TRIB3: variants seen among roughly 807,000 people sequenced by gnomAD.
TRIB3 encodes the protein tribbles homolog 3.
A neutral mutation model predicts 16.6 loss-of-function variants in TRIB3; 20 were observed. That is an observed-to-expected ratio of 1.20 (90% confidence interval 0.85 to 1.75). TRIB3 has a LOEUF of 1.75. Among genes scored for constraint, TRIB3 ranks in the 40% most tolerant of loss-of-function variants. TRIB3 has a pLI of 0.00. For missense variants in TRIB3, 484 were observed against 488.9 expected, an observed-to-expected ratio of 0.99 and a Z score of 0.10; for synonymous variants, 208 against 217.0, an observed-to-expected ratio of 0.96 and a Z score of 0.36.
At position 388,158 on chromosome 20, in the gene TRIB3, CT is replaced by C. The variant is rs755979873; in HGVS notation, c.149del (p.Leu50ArgfsTer160). On this transcript the variant is annotated frameshift_variant, in exon 2 of 4. Coordinates refer to ENST00000217233, the MANE Select transcript of TRIB3 (RefSeq NM_021158.5). LOFTEE classifies it high-confidence loss of function. ...QPRLPPCLLP[L>X]SPPTAPDRAT... The stretch of plus-strand genomic sequence containing the variant: ...CAGACTGCCCCCCTGCCTGTTGCCC[CT>C]GAGCCCACCTACTGCTCCAGATCGT... 1 of 1,614,106 alleles carries C rather than the reference CT, an allele frequency of 6.2e-7. No individual in the cohort carries two copies. Among genetic ancestry groups the C allele is most frequent in the East Asian group, 2.2e-5 (1 of 44,880 alleles).
chr20:390,277 G>A (rs991326179), intron 2 of TRIB3, among the ~76,000 whole-genome samples: 6 of 151,728 alleles, frequency 4.0e-5, no homozygotes, highest in East Asian at 1.9e-4. Context: ...GCAGTGAGCC[G>A]AGATCACACC....
chr20:396,664 G>A lies in TRIB3; in HGVS notation c.1051G>A (p.Asp351Asn). 2 of 1,612,096 alleles carry A rather than the reference G, an allele frequency of 1.2e-6. No homozygotes were observed. The highest frequency in any genetic ancestry group is 8.5e-7 in the Non-Finnish European group (1 of 1,179,372). Residue 351 changes from aspartate (D) to asparagine (N), a missense_variant, in exon 4 of 4, where the codon GAC (aspartate) becomes AAC (asparagine). Coordinates refer to ENST00000217233, the MANE Select transcript of TRIB3 (RefSeq NM_021158.5). ...GGACGAAGCCAGGGAAGAGGAGGGA[G>A]ACAGAGAAGTGGTTCTGTATGGCTA... ...GLDEAREEEG[D>N]REVVLYG
chr20:386,624 G>A (rs1251994936), intron 1 of TRIB3, among the ~76,000 whole-genome samples: 1 of 151,776 alleles, frequency 6.6e-6, no homozygotes, highest in African/African-American at 2.4e-5. Context: ...CCAGGCTGAA[G>A]TGCAGTGGTG....
chr20:396,235 G>T lies in TRIB3; in HGVS notation c.622G>T (p.Val208Leu). 1 of 1,613,298 alleles carries T rather than the reference G, an allele frequency of 6.2e-7. No homozygotes were observed. Among genetic ancestry groups the T allele is most frequent in the Non-Finnish European group, 8.5e-7 (1 of 1,179,486 alleles). Reference protein sequence around the residue: ...LVLENLEDSCVLTGPDDSLWD... With the variant: ...LVLENLEDSCLLTGPDDSLWD... ...GCTGGAGAACCTGGAGGACTCCTGCGTGCTGACTGGGCCAGATGATTCCCT... is the reference window on the plus strand; with the variant it reads ...GCTGGAGAACCTGGAGGACTCCTGCTTGCTGACTGGGCCAGATGATTCCCT... Residue 208 changes from valine to leucine, a missense_variant, in exon 4 of 4, where the codon GTG (valine) becomes TTG (leucine). By Grantham distance (32) the Val-to-Leu change is conservative. Coordinates refer to ENST00000217233, the MANE Select transcript of TRIB3 (RefSeq NM_021158.5).
At chr20:391,009 A>G (rs1042105692) in intron 2 of TRIB3, among the ~76,000 whole-genome samples, 2 of 150,448 alleles carry the variant, frequency 1.3e-5, no homozygotes, top group East Asian at 3.9e-4. Context: ...CTCAAAAAAA[A>G]AAAAAAAAAA....
rs917309277 is a variant in TRIB3 at position 380,875 on chromosome 20, G to A, written c.-295G>A. ...CCCGGGCCCGAGGGCATCAGACGGC[G>A]GCTGATTAGCTCCGGTTTGCATCAC... On this transcript the variant is annotated 5_prime_UTR_variant, in exon 1 of 4. Transcript: ENST00000217233. 6.6e-6 allele frequency: 1 copy of A among 151,788 alleles called. No individual in the cohort carries two copies. Among genetic ancestry groups the A allele is most frequent in the South Asian group, 2.1e-4 (1 of 4,814 alleles). The allele number at this position is 151,788 out of a possible 1,614,324, so 9.4% of individuals were successfully genotyped here.
intron 2 of TRIB3, among the ~76,000 whole-genome samples, chr20:389,267 G>T (rs1298152392): frequency 6.6e-6 from 1 of 152,180 alleles, no homozygotes; most frequent in Non-Finnish European, 1.5e-5. Flanking sequence ...ACAGAGCCAG[G>T]TGGTATCAGA....
At chr20:392,195 G>A (rs1338919965) in intron 3 of TRIB3, among the ~76,000 whole-genome samples, 1 of 152,102 alleles carries the variant, frequency 6.6e-6, no homozygotes, top group Admixed American at 6.6e-5. Flanking sequence ...ATCCCCATAT[G>A]ATCAAGGAAA....
chr20:397,294 G>T lies in TRIB3; in HGVS notation c.*604G>T, dbSNP rs559537865. 2 of 153,192 alleles carry T rather than the reference G, an allele frequency of 1.3e-5. No individual in the cohort carries two copies. Among genetic ancestry groups the T allele is most frequent in the East Asian group, 3.9e-4 (2 of 5,174 alleles). 9.5% of individuals were successfully genotyped at this position (153,192 alleles called of 1,614,324 possible). A position where few individuals can be genotyped will look rare whatever the true frequency, so the allele number is the denominator to read the frequency against. On this transcript the variant is annotated 3_prime_UTR_variant, in exon 4 of 4. Coordinates refer to ENST00000217233, the MANE Select transcript of TRIB3 (RefSeq NM_021158.5). ...AGCCTGGGATTTGGGCCAGAGATAA[G>T]AATCCAAACTATGAGGCTAGTTCTT... is the stretch of plus-strand genomic sequence containing the variant.
At chr20:391,023 A>AT (rs1555780827) in intron 2 of TRIB3, among the ~76,000 whole-genome samples, 15 of 151,400 alleles carry the variant, frequency 9.9e-5, no homozygotes, top group African/African-American at 3.4e-4. Flanking sequence ...AAAAAAAAAA[A>AT]AGCACAGACA....
chr20:394,140 C>T (rs779716698), intron 3 of TRIB3, among the ~76,000 whole-genome samples: 4 of 150,798 alleles, frequency 2.7e-5, no homozygotes, highest in African/African-American at 9.8e-5. Context: ...AAGTGATTCT[C>T]GTGCCTCAGC....
chr20:387,142 G>A (rs537982655), intron 1 of TRIB3, among the ~76,000 whole-genome samples: 2 of 152,298 alleles, frequency 1.3e-5, no homozygotes, highest in East Asian at 3.9e-4. Context: ...TTGGGAGGCT[G>A]AGGCAGGAGG....
intron 1 of TRIB3, among the ~76,000 whole-genome samples, chr20:387,770 C>G (rs1474763345): frequency 6.6e-6 from 1 of 152,096 alleles, no homozygotes; most frequent in African/African-American, 2.4e-5. Context: ...CCTGCTTTTG[C>G]TATTGGACAC....
chr20:381,508 CGGGATAG>C (rs1259626847), intron 1 of TRIB3: 31 of 91,380 alleles, frequency 3.4e-4, no homozygotes, highest in African/African-American at 1.3e-3. Flanking sequence ...TGCGTGAGTG[CGGGATAG>C]GGGAGTCGTG....
Position 396,205 on chromosome 20 carries a change from C to G in TRIB3, c.592C>G (p.Leu198Val), listed in dbSNP as rs1262316318. The stretch of plus-strand genomic sequence containing the variant: ...TTTCTCCCCATGTCCCAGGAAGAAG[C>G]TGGTGCTGGAGAACCTGGAGGACTC... ...FVFADRERKK[L>V]VLENLEDSCV... Residue 198 changes from leucine (L) to valine (V), a missense_variant, in exon 4 of 4, where the codon CTG becomes GTG. Leu to Val is a conservative substitution (Grantham distance 32). Transcript: ENST00000217233. 6.2e-7 allele frequency: 1 copy of G among 1,606,476 alleles called. No homozygotes were observed. The highest frequency in any genetic ancestry group is 8.5e-7 in the Non-Finnish European group (1 of 1,174,096).
intron 1 of TRIB3, among the ~76,000 whole-genome samples, chr20:386,160 A>C (rs2014800945): frequency 6.6e-6 from 1 of 152,206 alleles, no homozygotes; most frequent in East Asian, 1.9e-4. Context: ...CACTGCACCT[A>C]GCCTTGGACG....
intron 2 of TRIB3, among the ~76,000 whole-genome samples, 162 bp from the exon 3 acceptor site, chr20:391,125 A>G (rs1028102982): frequency 6.6e-6 from 1 of 151,726 alleles, no homozygotes; most frequent in Non-Finnish European, 1.5e-5. Context: ...AAGTCATCCT[A>G]CCTTATAGGA....
chr20:396,179 G>C lies in TRIB3; in HGVS notation c.585-19G>C, dbSNP rs1305189026. On this transcript the variant is annotated intron_variant, in intron 3 of 3. Coordinates refer to ENST00000217233, the MANE Select transcript of TRIB3 (RefSeq NM_021158.5). Reference sequence around the variant, plus strand: ...GTTCTGGGTAGGACCTGACCCTTCTGTTTCTCCCCATGTCCCAGGAAGAAG... The same window carrying C: ...GTTCTGGGTAGGACCTGACCCTTCTCTTTCTCCCCATGTCCCAGGAAGAAG... 1 of 1,599,482 alleles carries C rather than the reference G, an allele frequency of 6.3e-7. No individual in the cohort carries two copies. Among genetic ancestry groups the C allele is most frequent in the East Asian group, 2.2e-5 (1 of 44,608 alleles).
intron 1 of TRIB3, among the ~76,000 whole-genome samples, chr20:383,448 T>A (rs1446977242): frequency 1.3e-5 from 2 of 152,234 alleles, no homozygotes; most frequent in African/African-American, 4.8e-5. Flanking sequence ...GTTTTTGTTT[T>A]GTTTTGTTTT....
Sources: gnomAD v4.1 joint callset for allele counts (sites outside exome capture counted in the v4.1 genomes callset) on GRCh38, gnomAD v4.1.1 for gene constraint, MANE v1.5 for transcripts, NCBI Gene and HGNC (gene_info 2026-07-23, HGNC 2026-07-21) for gene names.